Variants in PHLDB2 observed in about 807,000 individuals in gnomAD.
PHLDB2 encodes pleckstrin homology-like domain family B member 2.
A neutral mutation model predicts 123.6 loss-of-function variants in PHLDB2; 71 were observed. The ratio of observed to expected loss-of-function variants is 0.57; its 90% confidence interval spans 0.47 to 0.70. PHLDB2 has a LOEUF of 0.70. PHLDB2 is among the 30% of genes least tolerant of loss of function. The pLI, the probability that PHLDB2 is intolerant of heterozygous loss-of-function variation, is 0.00. For missense variants in PHLDB2, 1,446 were observed against 1,519.5 expected, an observed-to-expected ratio of 0.95 and a Z score of 0.80; for synonymous variants, 547 against 541.6, an observed-to-expected ratio of 1.01 and a Z score of -0.14.
At chr3:111,919,026 T>G (rs371351331) in intron 3 of PHLDB2, 46 bp from the exon 4 acceptor site, 1 of 1,598,832 alleles carries the variant, frequency 6.3e-7, no homozygotes, top group African/African-American at 1.3e-5. Context: ...TGGGAAATTC[T>G]AGAACTGAGG....
In PHLDB2 at chr3:111,974,687, TC is replaced by T. The variant is rs1224911397; in HGVS notation, c.*126del. 2 of 952,456 alleles carry T rather than the reference TC, an allele frequency of 2.1e-6. No individual in the cohort carries two copies. The highest frequency in any genetic ancestry group is 3.4e-5 in the African/African-American group (2 of 59,406). The allele number at this position is 952,456 out of a possible 1,614,324, so 59.0% of individuals were successfully genotyped here. On this transcript the variant is annotated 3_prime_UTR_variant, in exon 18 of 18. Transcript: ENST00000431670. ...CCCTTGAGCTGTAAACACTCAGAAC[TC>T]CTTTCATATCAAGACAAGTTATTTG...
At chr3:111,964,682 A>G (rs2071634525) in intron 13 of PHLDB2, among the ~76,000 whole-genome samples, 1 of 152,188 alleles carries the variant, frequency 6.6e-6, no homozygotes, top group Non-Finnish European at 1.5e-5. Context: ...ATACATCAAA[A>G]CATCATGTTA....
intron 1 of PHLDB2, among the ~76,000 whole-genome samples, chr3:111,814,791 T>A (rs2061998416): frequency 6.6e-6 from 1 of 152,084 alleles, no homozygotes. Context: ...CCGAGGAACA[T>A]CCTGGCTTTA....
intron 1 of PHLDB2, among the ~76,000 whole-genome samples, chr3:111,768,901 A>G (rs1666431257): frequency 6.6e-6 from 1 of 152,068 alleles, no homozygotes; most frequent in East Asian, 1.9e-4. Flanking sequence ...CCACTTCATC[A>G]TTGCCTGGGG....
At chr3:111,831,026 A>AAAGAAAGAAAGAAAGG (rs2062994514) in intron 1 of PHLDB2, among the ~76,000 whole-genome samples, 27 of 78,672 alleles carry the variant, frequency 3.4e-4, no homozygotes, top group African/African-American at 8.9e-4. Flanking sequence ...AGAAAGAAAG[A>AAAGAAAGAAAGAAAGG]AAGAAAGGAA....
intron 1 of PHLDB2, among the ~76,000 whole-genome samples, chr3:111,867,615 T>A (rs556070572): frequency 3.9e-5 from 6 of 152,288 alleles, no homozygotes; most frequent in Admixed American, 3.9e-4. Flanking sequence ...TTAAGATATA[T>A]CATCATCACA....
upstream of PHLDB2, among the ~76,000 whole-genome samples, chr3:111,857,558 T>C (rs2064576260): frequency 6.6e-6 from 1 of 151,774 alleles, no homozygotes. Flanking sequence ...AGAGATGACG[T>C]GGGTGAGAAA....
At chr3:111,777,048 CA>C (rs11357205) in intron 1 of PHLDB2, among the ~76,000 whole-genome samples, 40,549 of 151,754 alleles carry the variant, frequency 0.27, 6,843 homozygotes, top group African/African-American at 0.48. Flanking sequence ...CAGTTACAGG[CA>C]ATGACACAGG....
intron 6 of PHLDB2, among the ~76,000 whole-genome samples, chr3:111,933,488 G>A (rs561344027): frequency 6.6e-6 from 1 of 152,312 alleles, no homozygotes; most frequent in South Asian, 2.1e-4. Context: ...GAAGTTGAGA[G>A]CATCTTAATA....
At chr3:111,883,105 T>C (rs991372946) in intron 1 of PHLDB2, among the ~76,000 whole-genome samples, 1 of 152,210 alleles carries the variant, frequency 6.6e-6, no homozygotes, top group African/African-American at 2.4e-5. Context: ...TATTTTCCCT[T>C]TGCTGATAAT....
intron 2 of PHLDB2, among the ~76,000 whole-genome samples, chr3:111,907,767 C>T (rs1177741058): frequency 6.6e-6 from 1 of 152,092 alleles, no homozygotes; most frequent in Non-Finnish European, 1.5e-5. Context: ...TTGGGGATTA[C>T]AGGTGTGAGC....
intron 2 of PHLDB2, among the ~76,000 whole-genome samples, chr3:111,901,674 G>T (rs2067213524): frequency 6.6e-6 from 1 of 152,108 alleles, no homozygotes; most frequent in South Asian, 2.1e-4. Flanking sequence ...AGATCTTCTG[G>T]AACTTGATCA....
intron 1 of PHLDB2, among the ~76,000 whole-genome samples, chr3:111,798,682 A>AAAAAT (rs11276346): frequency 0.1 from 14,545 of 144,534 alleles, 1,092 homozygotes; most frequent in African/African-American, 0.2. Context: ...TGTCTCTAAT[A>AAAAAT]AAAATAAAAT....
chr3:111,859,301 G>A lies in PHLDB2; in HGVS notation c.-290G>A. 1.0e-6 allele frequency: 1 copy of A among 985,524 alleles called. No individual in the cohort carries two copies. Among genetic ancestry groups the A allele is most frequent in the Non-Finnish European group, 1.2e-6 (1 of 829,980 alleles). The allele number at this position is 985,524 out of a possible 1,614,324, so 61.0% of individuals were successfully genotyped here. On this transcript the variant is annotated 5_prime_UTR_variant, in exon 1 of 18. Coordinates refer to ENST00000431670, the MANE Select transcript of PHLDB2 (RefSeq NM_001134438.2). The stretch of plus-strand genomic sequence containing the variant: ...GCGAACGTAGCTTTGAGAAGCTGGC[G>A]CCCAGTGATGGGGCAAACAGCCATG...
intron 5 of PHLDB2, 109 bp from the exon 6 acceptor site, chr3:111,932,160 T>A: frequency 8.3e-7 from 1 of 1,205,846 alleles, no homozygotes; most frequent in Non-Finnish European, 1.2e-6. Flanking sequence ...TCATAGATTG[T>A]CCAGAGTTTG....
intron 3 of PHLDB2, among the ~76,000 whole-genome samples, chr3:111,918,663 A>G (rs1266082996): frequency 6.6e-6 from 1 of 152,216 alleles, no homozygotes; most frequent in Non-Finnish European, 1.5e-5. Flanking sequence ...GCTTGTAATA[A>G]CCATAGCATC....
chr3:111,798,833 A>G (rs954224158), intron 1 of PHLDB2, among the ~76,000 whole-genome samples: 14 of 152,262 alleles, frequency 9.2e-5, no homozygotes, highest in Admixed American at 3.3e-4. Flanking sequence ...TAGACCTCAT[A>G]TGAGGGCCAG....
intron 1 of PHLDB2, among the ~76,000 whole-genome samples, chr3:111,835,597 T>C (rs940382306): frequency 6.6e-6 from 1 of 152,142 alleles, no homozygotes; most frequent in East Asian, 1.9e-4. Context: ...ACAATGACAG[T>C]ATTTATGCTG....
intron 10 of PHLDB2, among the ~76,000 whole-genome samples, chr3:111,950,139 T>C (rs984039830): frequency 6.6e-6 from 1 of 152,190 alleles, no homozygotes; most frequent in African/African-American, 2.4e-5. Flanking sequence ...CCCTCATCCT[T>C]CAGTTACCAT....
Sources: allele counts gnomAD v4.1 joint callset (sites outside exome capture counted in the v4.1 genomes callset), GRCh38; gene constraint gnomAD v4.1.1; transcripts MANE v1.5; gene names NCBI Gene and HGNC (gene_info 2026-07-23, HGNC 2026-07-21).